PCGF3: variants seen among roughly 807,000 people sequenced by gnomAD.
The protein encoded by PCGF3 is polycomb group RING finger protein 3.
In PCGF3, 7 loss-of-function variants were observed where a neutral mutation model predicts 33.1. The ratio of observed to expected loss-of-function variants is 0.21; its 90% CI spans 0.12 to 0.40. The LOEUF (loss-of-function observed/expected upper bound fraction) is 0.40. Among genes scored for constraint, PCGF3 ranks in the 10% least tolerant of loss-of-function variants. The pLI, the probability that PCGF3 is intolerant of heterozygous loss-of-function variation, is 1.00. For missense variants in PCGF3, 211 were observed against 313.3 expected (o/e 0.67, Z 2.46); for synonymous variants, 153 against 121.3 (o/e 1.26, Z -1.72).
Position 762,047 on chromosome 4 carries a change from T to TG in PCGF3, c.600+636dup, listed in dbSNP as rs1329697932. 58 of 984,968 alleles carry TG rather than the reference T, an allele frequency of 5.9e-5. No individual in the cohort carries two copies. The Admixed American group carries it at 1.7e-3, about 29-fold the overall frequency. 61.0% of individuals were successfully genotyped at this position (984,968 alleles called of 1,614,324 possible). On this transcript the variant is annotated intron_variant, in intron 9 of 10. Transcript: ENST00000362003. The stretch of plus-strand genomic sequence containing the variant: ...GAGTTGCAGGAGAGGCGGACTGTGG[T>TG]GGGGGCGGTCAGGGTGGAGAAGTGG...
intron 8 of PCGF3, among the ~76,000 whole-genome samples, chr4:756,297 C>G (rs1340653738): frequency 6.6e-6 from 1 of 151,690 alleles, no homozygotes; most frequent in African/African-American, 2.4e-5. Flanking sequence ...ACTGCAACCT[C>G]TACCTCCCTG....
chr4:764,856 CA>C (rs1368686384), intron 9 of PCGF3, 127 bp from the exon 10 acceptor site: 31 of 647,968 alleles, frequency 4.8e-5, no homozygotes, highest in Non-Finnish European at 8.5e-5. Context: ...CAGCCCCCCC[CA>C]CCCCATCTCT....
chr4:767,452 C>T (rs1295885438), exon 11 of PCGF3: 2 of 152,262 alleles, frequency 1.3e-5, no homozygotes, highest in Admixed American at 1.3e-4. Context: ...CCATTTATTT[C>T]CTGTGGAACT....
exon 11 of PCGF3, chr4:766,361 TTC>T: frequency 3.0e-6 from 1 of 338,730 alleles, no homozygotes; most frequent in Non-Finnish European, 5.4e-6. Flanking sequence ...GGCAACACGG[TTC>T]TGAGTCACCT....
chr4:755,595 C>T (rs1012428880), intron 8 of PCGF3, among the ~76,000 whole-genome samples: 1 of 152,142 alleles, frequency 6.6e-6, no homozygotes, highest in South Asian at 2.1e-4. Context: ...AAATGTTTCC[C>T]CATTCTAAGG....
At chr4:751,897 T>C (rs1278988968) in intron 8 of PCGF3, among the ~76,000 whole-genome samples, 1 of 152,204 alleles carries the variant, frequency 6.6e-6, no homozygotes, top group Non-Finnish European at 1.5e-5. Context: ...GCCCCCTCGC[T>C]GCCACCCCCA....
exon 10 of PCGF3, chr4:765,041 G>A: frequency 2.5e-6 from 4 of 1,613,460 alleles, no homozygotes; most frequent in Non-Finnish European, 3.4e-6. Flanking sequence ...CAAGTTCGTG[G>A]TTGTCACTAG....
chr4:735,730 C>A (rs1231889669), intron 5 of PCGF3, among the ~76,000 whole-genome samples: 1 of 152,260 alleles, frequency 6.6e-6, no homozygotes, highest in Non-Finnish European at 1.5e-5. Context: ...CTGCCCCTGA[C>A]ACATGGCCAA....
At chr4:708,883 C>T (rs1346195915) in intron 1 of PCGF3, among the ~76,000 whole-genome samples, 1 of 152,188 alleles carries the variant, frequency 6.6e-6, no homozygotes, top group Admixed American at 6.5e-5. Flanking sequence ...TTTCCCACTC[C>T]CTCTCTAGTA....
At chr4:732,428 C>T (rs1743634883) in intron 3 of PCGF3, 1 of 152,280 alleles carries the variant, frequency 6.6e-6, no homozygotes. Flanking sequence ...TGCATCAGGT[C>T]TCCCGAACCT....
At chr4:733,771 A>T (rs1407893641) in exon 4 of PCGF3, 1 of 1,613,530 alleles carries the variant, frequency 6.2e-7, no homozygotes, top group Non-Finnish European at 8.5e-7. Context: ...CACCACGGTG[A>T]CCGAGTGTCT....
At position 721,852 on chromosome 4, in the gene PCGF3, A is replaced by G. The variant is rs547222043; in HGVS notation, c.-189-8778A>G. On this transcript the variant is annotated intron_variant, in intron 1 of 10. Transcript: ENST00000362003. This position sits in a 1 kb window ranked among gnomAD's most constrained non-coding sequence, Gnocchi z 4.1. ...GGGTGTCTCTGCATGTGGGTGTGGA[A>G]AGAGGCCTGTGGGAGACTGGTGGAT... 1.2e-4 allele frequency among the ~76,000 whole-genome samples: 16 copies of G among 138,662 alleles called. 1 individual carries two copies. Among genetic ancestry groups the G allele is most frequent in the African/African-American group, 1.2e-4 (4 of 34,722 alleles). 91.0% of individuals were successfully genotyped at this position (138,662 alleles called of 152,430 possible). A position where few individuals can be genotyped will look rare whatever the true frequency, so the allele number is the denominator to read the frequency against.
intron 8 of PCGF3, among the ~76,000 whole-genome samples, chr4:754,653 G>A (rs1252309901): frequency 6.6e-6 from 1 of 152,216 alleles, no homozygotes; most frequent in Non-Finnish European, 1.5e-5. Flanking sequence ...GGGACCTTGG[G>A]GGCCTGTGGC....
At chr4:768,495 G>A (rs1413567728) in exon 11 of PCGF3, 2 of 151,860 alleles carry the variant, frequency 1.3e-5, no homozygotes, top group Non-Finnish European at 2.9e-5. Flanking sequence ...TTAAACAGAT[G>A]GAGTTACTGT....
intron 1 of PCGF3, among the ~76,000 whole-genome samples, chr4:713,393 GTGTGGCCTTGTGGGGGC>G (rs1165168851): frequency 2.2e-4 from 33 of 147,164 alleles, no homozygotes; most frequent in African/African-American, 7.8e-4. Flanking sequence ...TGTGGGTCCT[GTGTGGCCTTGTGGGGGC>G]TGTGGCCTCG....
At chr4:761,626 TA>T (rs1166573690) in intron 9 of PCGF3, 1 of 974,724 alleles carries the variant, frequency 1.0e-6, no homozygotes, top group African/African-American at 1.8e-5. Context: ...CGTGGAATGC[TA>T]CTGTGAGTGG....
At chr4:707,988 T>C (rs56231240) in intron 1 of PCGF3, among the ~76,000 whole-genome samples, 1,914 of 38,694 alleles carry the variant, frequency 0.049, 11 homozygotes, top group Admixed American at 0.074. Context: ...CCCCTGGGGG[T>C]CGGGACCCTG....
chr4:707,077 G>T (rs1431299581), intron 1 of PCGF3, among the ~76,000 whole-genome samples: 1 of 152,116 alleles, frequency 6.6e-6, no homozygotes, highest in Non-Finnish European at 1.5e-5. Context: ...TTGGGCTCTG[G>T]GATTGCACAG....
intron 8 of PCGF3, 96 bp from the exon 9 acceptor site, chr4:761,183 C>T: frequency 1.9e-6 from 2 of 1,055,640 alleles, no homozygotes; most frequent in South Asian, 3.8e-5. Context: ...GTCAGCAGTC[C>T]TAGATTGAGG....
Sources: allele counts gnomAD v4.1 joint callset (sites outside exome capture counted in the v4.1 genomes callset), GRCh38; gene constraint gnomAD v4.1.1; non-coding constraint Gnocchi (gnomAD v3.1); transcripts MANE v1.5; gene names NCBI Gene and HGNC (gene_info 2026-07-23, HGNC 2026-07-21).